METTL4: variants seen among roughly 807,000 people sequenced by gnomAD.
METTL4 encodes the protein methyltransferase 4, N6-adenosine.
Under a neutral mutation model 54.0 loss-of-function variants are expected in METTL4, and 40 were observed. That is an observed-to-expected ratio of 0.74 (90% CI 0.58 to 0.96). The LOEUF (loss-of-function observed/expected upper bound fraction) is 0.96. Ranked by LOEUF, METTL4 falls within the 50% of genes least tolerant of loss-of-function variation. The pLI, the probability that METTL4 is intolerant of heterozygous loss-of-function variation, is 0.00. For synonymous variants in METTL4, 169 were observed against 183.8 expected, an observed-to-expected ratio of 0.92 and a Z score of 0.65; for missense variants, 525 against 549.0, an observed-to-expected ratio of 0.96 and a Z score of 0.44.
At chr18:2,565,132 G>A (rs1447965233) in intron 2 of METTL4, among the ~76,000 whole-genome samples, 1 of 152,024 alleles carries the variant, frequency 6.6e-6, no homozygotes, top group Non-Finnish European at 1.5e-5. Flanking sequence ...ACAAAAAATT[G>A]GCCGGGTATG....
At chr18:2,566,556 G>A (rs796079789) in intron 2 of METTL4, 1 of 198,206 alleles carries the variant, frequency 5.0e-6, no homozygotes, top group Non-Finnish European at 1.0e-5. Flanking sequence ...TTTTTTTGCT[G>A]TCTGGGTTTA....
chr18:2,563,884 GA>G (rs1460690398), intron 2 of METTL4, 25 bp from the exon 3 acceptor site: 1 of 1,560,434 alleles, frequency 6.4e-7, no homozygotes, highest in Non-Finnish European at 8.8e-7. Context: ...AATTACAGGG[GA>G]AAAGTTATGT....
At chr18:2,539,318 A>G (rs2071958338) in intron 8 of METTL4, among the ~76,000 whole-genome samples, 173 bp from the exon 9 acceptor site, 1 of 152,140 alleles carries the variant, frequency 6.6e-6, no homozygotes, top group South Asian at 2.1e-4. Flanking sequence ...AGCCATTTAA[A>G]ATAAGTACCC....
At chr18:2,551,556 G>A (rs1057284136) in intron 5 of METTL4, among the ~76,000 whole-genome samples, 2 of 152,072 alleles carry the variant, frequency 1.3e-5, no homozygotes, top group African/African-American at 4.8e-5. Context: ...AAATAGCCGA[G>A]TGTAGTGGCA....
intron 5 of METTL4, among the ~76,000 whole-genome samples, chr18:2,551,882 C>T (rs1249905981): frequency 6.6e-6 from 1 of 151,978 alleles, no homozygotes; most frequent in Admixed American, 6.6e-5. Flanking sequence ...GACAATGTAA[C>T]TGAAGACATT....
chr18:2,538,126 G>A lies in METTL4; in HGVS notation c.*874C>T, dbSNP rs2071937450. On this transcript the variant is annotated 3_prime_UTR_variant, in exon 9 of 9. Transcript: ENST00000574538. ...ATATGCATTTCAAAGAATCATTTCA[G>A]TCAAAATATTTTACTTGGTAGACAA... The A allele has an allele frequency of 5.1e-6, 2 of 390,988 alleles. No individual in the cohort carries two copies. Among genetic ancestry groups the A allele is most frequent in the Non-Finnish European group, 9.0e-6 (2 of 222,098 alleles). 24.2% of individuals were successfully genotyped at this position (390,988 alleles called of 1,614,324 possible).
rs2071938481 is a variant in METTL4, at chr18:2,538,196, C to T, written c.*804G>A. The T allele has an allele frequency of 3.0e-6, 1 of 333,246 alleles. No individual in the cohort carries two copies. Among genetic ancestry groups the T allele is most frequent in the African/African-American group, 2.1e-5 (1 of 47,236 alleles). The allele number at this position is 333,246 out of a possible 1,614,324, so 20.6% of individuals were successfully genotyped here. A position where few individuals can be genotyped will look rare whatever the true frequency, so the allele number is the denominator to read the frequency against. The stretch of plus-strand genomic sequence containing the variant: ...CTATAAATAATATTTTTTTCACAAT[C>T]ACACTGTTTACTTGCTGCCATGTTT... On this transcript the variant is annotated 3_prime_UTR_variant, in exon 9 of 9. Transcript: ENST00000574538.
Position 2,544,229 on chromosome 18 carries a change from G to A in METTL4, c.1239C>T (p.Pro413=). Residue 413 remains proline, a synonymous_variant, in exon 8 of 9, where the codon CCC becomes CCT. Coordinates refer to ENST00000574538, the MANE Select transcript of METTL4 (RefSeq NM_022840.5). ...IPDHKLIVSV[P]CTLHSHKPPL... is the part of the protein sequence containing the mutation. Reference sequence around the variant, plus strand: ...GTGGCTTATGTGAGTGAAGAGTACAGGGCACGCTGACAATTAATTTGTGGT... The same window carrying A: ...GTGGCTTATGTGAGTGAAGAGTACAAGGCACGCTGACAATTAATTTGTGGT... 6.2e-7 allele frequency: 1 copy of A among 1,613,246 alleles called. No homozygotes were observed. The highest frequency in any genetic ancestry group is 2.2e-5 in the East Asian group (1 of 44,858).
At position 2,571,197 on chromosome 18, in the gene METTL4, T is replaced by G. The variant is rs3817349; in HGVS notation, c.-487A>C. On this transcript the variant is annotated 5_prime_UTR_variant, in exon 1 of 9. An upstream start codon of the reference 5' UTR is lost. Transcript: ENST00000574538. ...ACGCCGCCTTCCCAGACTCTCCTCA[T>G]GAAAACAGCACCCATCTAAATAGTG... The G allele has an allele frequency of 0.78, 118,545 of 152,352 alleles. 46,302 individuals are homozygous for G. The highest frequency in any genetic ancestry group is 0.87 in the East Asian group (4,486 of 5,182). 9.4% of individuals were successfully genotyped at this position (152,352 alleles called of 1,614,324 possible).
chr18:2,561,761 A>G (rs998469775), intron 3 of METTL4: 14 of 152,236 alleles, frequency 9.2e-5, no homozygotes, highest in Non-Finnish European at 1.6e-4. Flanking sequence ...TAATACAAGT[A>G]TTTAGCAATT....
chr18:2,555,091 T>G, intron 3 of METTL4, 53 bp from the exon 4 acceptor site: 1 of 1,523,618 alleles, frequency 6.6e-7, no homozygotes, highest in Non-Finnish European at 9.0e-7. Flanking sequence ...AAAAAGAACA[T>G]TGACTGTGCT....
chr18:2,557,216 G>A (rs553990096), intron 3 of METTL4, among the ~76,000 whole-genome samples: 1 of 152,052 alleles, frequency 6.6e-6, no homozygotes, highest in South Asian at 2.1e-4. Context: ...CAGGAAATCT[G>A]CAGGTAGGCA....
intron 2 of METTL4, among the ~76,000 whole-genome samples, chr18:2,564,573 T>C (rs190636680): frequency 6.6e-6 from 1 of 152,352 alleles, no homozygotes; most frequent in East Asian, 1.9e-4. Flanking sequence ...AGATTTATAT[T>C]GACACTGTTC....
chr18:2,555,264 A>C, intron 3 of METTL4: 2 of 527,512 alleles, frequency 3.8e-6, no homozygotes, highest in Non-Finnish European at 3.3e-6. Context: ...AAATAACCAA[A>C]TACATGTAAG....
intron 8 of METTL4, chr18:2,540,208 CA>C: frequency 2.0e-6 from 2 of 985,258 alleles, no homozygotes; most frequent in Non-Finnish European, 2.4e-6. Flanking sequence ...CATGTTCACT[CA>C]ATTGGATGAC....
chr18:2,544,811 G>T, intron 6 of METTL4, 52 bp from the exon 7 acceptor site: 1 of 1,130,486 alleles, frequency 8.8e-7, no homozygotes, highest in Non-Finnish European at 1.3e-6. Flanking sequence ...TCACTATAGA[G>T]CTTCCACACA....
chr18:2,541,733 A>G (rs1172136829), intron 8 of METTL4, among the ~76,000 whole-genome samples: 1 of 85,986 alleles, frequency 1.2e-5, no homozygotes, highest in Non-Finnish European at 2.4e-5. Context: ...AACAGAAATA[A>G]CCAATTAAAC....
At chr18:2,544,606 G>T in intron 7 of METTL4, 47 bp downstream of exon 7, 1 of 1,187,062 alleles carries the variant, frequency 8.4e-7, no homozygotes, top group Non-Finnish European at 1.2e-6. Flanking sequence ...TTTTAAAAGC[G>T]TAAAAATTAA....
intron 2 of METTL4, among the ~76,000 whole-genome samples, chr18:2,565,438 C>T (rs375054479): frequency 5.3e-5 from 8 of 151,928 alleles, no homozygotes; most frequent in Admixed American, 3.9e-4. Context: ...ATAATTTGTA[C>T]AACAAAACCC....
Sources: allele counts gnomAD v4.1 joint callset (sites outside exome capture counted in the v4.1 genomes callset), GRCh38; gene constraint gnomAD v4.1.1; transcripts MANE v1.5; gene names NCBI Gene and HGNC (gene_info 2026-07-23, HGNC 2026-07-21).